IBTK: variants seen among roughly 807,000 people sequenced by gnomAD.
The protein encoded by IBTK is BTK-binding protein.
A neutral mutation model predicts 154.9 loss-of-function variants in IBTK; 83 were observed. The observed-to-expected ratio is 0.54, with a 90% CI of 0.45 to 0.64. The LOEUF (loss-of-function observed/expected upper bound fraction) is 0.64. Among genes scored for constraint, IBTK ranks in the 30% least tolerant of loss-of-function variants. The pLI is 0.00. For synonymous variants in IBTK, 515 were observed against 536.1 expected (o/e 0.96, Z 0.54); for missense variants, 1,332 against 1,584.6 (o/e 0.84, Z 2.71).
intron 26 of IBTK, among the ~76,000 whole-genome samples, 192 bp downstream of exon 26, chr6:82,181,687 A>G (rs1276846932): frequency 6.6e-6 from 1 of 152,202 alleles, no homozygotes; most frequent in Non-Finnish European, 1.5e-5. Flanking sequence ...ATTTTAAGTC[A>G]ATTATATCTC....
At chr6:82,188,887 G>A (rs149785530) in intron 25 of IBTK, 10 of 239,042 alleles carry the variant, frequency 4.2e-5, no homozygotes, top group South Asian at 8.3e-5. Context: ...AAAATTAGCC[G>A]GGTGTGGTGG....
At position 82,224,054 on chromosome 6, in the gene IBTK, T is replaced by C. The variant is rs755897529; in HGVS notation, c.943+14A>G. The C allele has an allele frequency of 1.1e-5, 15 of 1,330,494 alleles. No individual in the cohort carries two copies. In the East Asian group the frequency reaches 3.5e-4, roughly 31 times the overall value. 82.4% of individuals were successfully genotyped at this position (1,330,494 alleles called of 1,614,324 possible). Reference sequence around the variant, plus strand: ...CAATTTAATTTCCAGATATTGTCATTAAGGATTTCTTACCCAGTTGTCCAC... The same window carrying C: ...CAATTTAATTTCCAGATATTGTCATCAAGGATTTCTTACCCAGTTGTCCAC... On this transcript the variant is annotated intron_variant, in intron 7 of 28. Transcript: ENST00000306270.
intron 9 of IBTK, among the ~76,000 whole-genome samples, chr6:82,218,767 T>C (rs1192921269): frequency 6.6e-6 from 1 of 152,184 alleles, no homozygotes; most frequent in East Asian, 1.9e-4. Context: ...CATATACCGG[T>C]ATTCCAAGCA....
chr6:82,215,523 A>G (rs1769835451), intron 11 of IBTK, among the ~76,000 whole-genome samples: 1 of 152,180 alleles, frequency 6.6e-6, no homozygotes, highest in South Asian at 2.1e-4. Flanking sequence ...GCGGTGGCTC[A>G]TGCCTGTAAT....
chr6:82,175,498 T>C (rs1339537347), intron 26 of IBTK, among the ~76,000 whole-genome samples: 4 of 152,218 alleles, frequency 2.6e-5, no homozygotes, highest in Non-Finnish European at 5.9e-5. Context: ...TACAAATTTA[T>C]CCAATGTGGA....
At chr6:82,231,329 G>GTT (rs1352972567) in intron 4 of IBTK, among the ~76,000 whole-genome samples, 4 of 151,080 alleles carry the variant, frequency 2.6e-5, no homozygotes, top group Non-Finnish European at 5.9e-5. Context: ...AAAAAGAACT[G>GTT]TTGTTCACTT....
intron 4 of IBTK, among the ~76,000 whole-genome samples, chr6:82,231,443 A>T (rs951848655): frequency 6.6e-6 from 1 of 152,154 alleles, no homozygotes; most frequent in Non-Finnish European, 1.5e-5. Flanking sequence ...GAGAAGCTTT[A>T]CCCTCTTAAA....
At chr6:82,182,478 G>A (rs781337581) in intron 25 of IBTK, among the ~76,000 whole-genome samples, 3 of 151,938 alleles carry the variant, frequency 2.0e-5, no homozygotes, top group Non-Finnish European at 4.4e-5. Context: ...ACAAAAAAGA[G>A]AAGTTGAAGA....
chr6:82,230,032 G>A (rs930139811), intron 4 of IBTK, among the ~76,000 whole-genome samples: 3 of 152,186 alleles, frequency 2.0e-5, no homozygotes, highest in African/African-American at 7.2e-5. Flanking sequence ...AAACATTTTT[G>A]AGAATGAAAG....
At chr6:82,231,882 A>T in intron 3 of IBTK, 40 bp from the exon 4 acceptor site, 2 of 1,212,736 alleles carry the variant, frequency 1.6e-6, no homozygotes, top group Non-Finnish European at 1.2e-6. Context: ...TTATATTTTA[A>T]AACACATATA....
At chr6:82,215,162 A>C (rs538240497) in intron 11 of IBTK, among the ~76,000 whole-genome samples, 6 of 152,082 alleles carry the variant, frequency 3.9e-5, no homozygotes, top group Non-Finnish European at 8.8e-5. Flanking sequence ...AGGAAGACCA[A>C]CCCTCCTGTG....
chr6:82,173,000 C>CT (rs59205005), intron 27 of IBTK: 4,373 of 148,950 alleles, frequency 0.029, 182 homozygotes, highest in East Asian at 0.12. Flanking sequence ...CTCTTATTCT[C>CT]TTTTTTTTTT....
At chr6:82,204,102 CA>C (rs1323955183) in intron 17 of IBTK, among the ~76,000 whole-genome samples, 2 of 152,020 alleles carry the variant, frequency 1.3e-5, no homozygotes, top group Admixed American at 6.6e-5. Flanking sequence ...AATATGTAAA[CA>C]GGGGGAAGAT....
intron 9 of IBTK, 80 bp downstream of exon 9, chr6:82,220,510 C>A: frequency 7.4e-7 from 1 of 1,355,052 alleles, no homozygotes; most frequent in Non-Finnish European, 9.9e-7. Flanking sequence ...ACTAACATAG[C>A]AATACATTTT....
chr6:82,199,035 T>C (rs1403707273), intron 21 of IBTK, among the ~76,000 whole-genome samples: 3 of 152,126 alleles, frequency 2.0e-5, no homozygotes, highest in Non-Finnish European at 4.4e-5. Flanking sequence ...AAAACATTTG[T>C]CAACAATTAG....
In IBTK at chr6:82,189,705, T is replaced by A. The variant is rs1326009887; in HGVS notation, c.3575+1368A>T. On this transcript the variant is annotated intron_variant, in intron 25 of 28. Coordinates refer to ENST00000306270, the MANE Select transcript of IBTK (RefSeq NM_015525.4). The stretch of plus-strand genomic sequence containing the variant: ...AGCACAGGACTCTAAGGAATATGCC[T>A]CCAAAAAAATAAGTGAAACAACTTT... 2.6e-5 allele frequency among the ~76,000 whole-genome samples: 4 copies of A among 152,114 alleles called. No homozygotes were observed. The South Asian group carries it at 8.3e-4, about 31-fold the overall frequency.
intron 1 of IBTK, among the ~76,000 whole-genome samples, chr6:82,243,483 C>T (rs945078021): frequency 6.6e-6 from 1 of 152,170 alleles, no homozygotes; most frequent in African/African-American, 2.4e-5. Flanking sequence ...CATAGTGTCC[C>T]ACTCCAAACC....
chr6:82,230,032 G>C (rs930139811), intron 4 of IBTK, among the ~76,000 whole-genome samples: 1 of 152,068 alleles, frequency 6.6e-6, no homozygotes, highest in Non-Finnish European at 1.5e-5. Flanking sequence ...AAACATTTTT[G>C]AGAATGAAAG....
At position 82,201,464 on chromosome 6, in the gene IBTK, G is replaced by A. The variant is rs150434601; in HGVS notation, c.2748C>T (p.Ser916=). 1.0e-5 allele frequency: 16 copies of A among 1,606,134 alleles called. No individual in the cohort carries two copies. Among genetic ancestry groups the A allele is most frequent in the Middle Eastern group, 1.7e-4 (1 of 6,038 alleles). ...LLEARSLDVL[S]DGVLKDLSEF... ...CAGAAAGATCCTTCAAAACACCATCGCTTAAAACATCAAGAGACCTAAAAT... is the reference window on the plus strand; with the variant it reads ...CAGAAAGATCCTTCAAAACACCATCACTTAAAACATCAAGAGACCTAAAAT... Residue 916 remains serine, a synonymous_variant, in exon 19 of 29, where the codon AGC becomes AGT. Coordinates refer to ENST00000306270, the MANE Select transcript of IBTK (RefSeq NM_015525.4).
Sources: gnomAD v4.1 joint callset for allele counts (sites outside exome capture counted in the v4.1 genomes callset) on GRCh38, gnomAD v4.1.1 for gene constraint, MANE v1.5 for transcripts, NCBI Gene and HGNC (gene_info 2026-07-23, HGNC 2026-07-21) for gene names.